NAALADL2: variants seen among roughly 807,000 people sequenced by gnomAD.
The protein encoded by NAALADL2 is N-acetylated alpha-linked acidic dipeptidase like 2.
NAALADL2 carries 76 observed loss-of-function variants against 87.2 expected under a neutral mutation model. The ratio of observed to expected loss-of-function variants is 0.87; its 90% CI spans 0.72 to 1.05. NAALADL2 has a LOEUF of 1.05. Among genes scored for constraint, NAALADL2 ranks in the 50% least tolerant of loss-of-function variants. The probability of loss-of-function intolerance (pLI) is 0.00; values close to 1 mark genes in which losing one functional copy is unlikely to be tolerated. For synonymous variants in NAALADL2, 354 were observed against 331.0 expected, an observed-to-expected ratio of 1.07 and a Z score of -0.75; for missense variants, 1,089 against 945.8, an observed-to-expected ratio of 1.15 and a Z score of -1.99.
At position 175,082,322 on chromosome 3, in the gene NAALADL2, C is replaced by G. The variant is rs529619997; in HGVS notation, c.44-14468C>G. The stretch of plus-strand genomic sequence containing the variant: ...GAAGACTGGTTTTGGTTATTGGAGT[C>G]TGAAGTTTATTATAAATATGTAGTT... On this transcript the variant is annotated intron_variant, in intron 1 of 13. Transcript: ENST00000454872. Among the ~76,000 whole-genome samples the G allele has an allele frequency of 8.4e-4, 128 of 152,202 alleles. 1 individual carries two copies. The highest frequency in any genetic ancestry group is 2.8e-3 in the African/African-American group (115 of 41,526).
At chr3:175,553,093 T>C (rs911193301) in intron 9 of NAALADL2, among the ~76,000 whole-genome samples, 6 of 152,180 alleles carry the variant, frequency 3.9e-5, no homozygotes, top group African/African-American at 1.2e-4. Context: ...TATCCATGTT[T>C]ATGCTTATAG....
At chr3:175,040,261 A>T (rs571881808) in intron 1 of NAALADL2, among the ~76,000 whole-genome samples, 1 of 152,304 alleles carries the variant, frequency 6.6e-6, no homozygotes, top group South Asian at 2.1e-4. Context: ...AAATCCATTA[A>T]TTAAATGAAT....
At chr3:174,607,360 A>G (rs1719213593) in intron 2 of NAALADL2, among the ~76,000 whole-genome samples, 2 of 151,778 alleles carry the variant, frequency 1.3e-5, no homozygotes, top group African/African-American at 2.4e-5. Context: ...CAATTAAAAG[A>G]CACAGACTGG....
At chr3:174,689,291 T>C (rs1186081158) in intron 2 of NAALADL2, among the ~76,000 whole-genome samples, 1 of 152,020 alleles carries the variant, frequency 6.6e-6, no homozygotes, top group East Asian at 1.9e-4. Context: ...GATTGCCCTT[T>C]TCTATCATCT....
chr3:175,596,704 A>G (rs942741258), intron 10 of NAALADL2, among the ~76,000 whole-genome samples: 3 of 151,956 alleles, frequency 2.0e-5, no homozygotes, highest in South Asian at 2.1e-4. Context: ...ACATTACCAT[A>G]AAATATCCCT....
chr3:174,758,643 C>T (rs1378654271), intron 3 of NAALADL2, among the ~76,000 whole-genome samples: 1 of 152,158 alleles, frequency 6.6e-6, no homozygotes, highest in East Asian at 1.9e-4. Context: ...AGGCTTTTGC[C>T]TTACAATCGA....
intron 2 of NAALADL2, among the ~76,000 whole-genome samples, chr3:175,188,976 G>A (rs1041576430): frequency 2.0e-5 from 3 of 152,074 alleles, no homozygotes; most frequent in African/African-American, 7.2e-5. Flanking sequence ...CTATATCCCT[G>A]CTCCCAAGGC....
chr3:175,335,950 G>T (rs73047265), intron 5 of NAALADL2, among the ~76,000 whole-genome samples: 239 of 152,190 alleles, frequency 1.6e-3, no homozygotes, highest in African/African-American at 5.6e-3. Context: ...TGCTGGAAAC[G>T]TGTCAGGTAA....
intron 1 of NAALADL2, among the ~76,000 whole-genome samples, chr3:174,546,034 C>T (rs1002322677): frequency 6.6e-6 from 1 of 151,222 alleles, no homozygotes. Context: ...AGGCATTTCT[C>T]ATGTATTTAA....
chr3:175,544,938 A>T (rs186927394), intron 9 of NAALADL2, among the ~76,000 whole-genome samples: 1 of 152,296 alleles, frequency 6.6e-6, no homozygotes, highest in East Asian at 1.9e-4. Flanking sequence ...TTCCAATGAA[A>T]TTAATACCCA....
At chr3:175,432,299 T>C (rs1717890498) in intron 5 of NAALADL2, among the ~76,000 whole-genome samples, 1 of 152,040 alleles carries the variant, frequency 6.6e-6, no homozygotes, top group African/African-American at 2.4e-5. Flanking sequence ...CTATTTTTAC[T>C]GTTTTCCTTG....
rs182040426 is a variant in NAALADL2 at position 175,690,032 on chromosome 3, T to C, written c.1897-47274T>C. Among the ~76,000 whole-genome samples, 255 of 152,228 alleles carry C rather than the reference T, an allele frequency of 1.7e-3. 1 individual carries two copies. Among genetic ancestry groups the C allele is most frequent in the African/African-American group, 5.9e-3 (247 of 41,552 alleles). ...ATAATACTTCCTGCACTGAAAATTA[T>C]GCTTAGGAAGACAATTAGTATGTAC... On this transcript the variant is annotated intron_variant, in intron 11 of 13. Coordinates refer to ENST00000454872, the MANE Select transcript of NAALADL2 (RefSeq NM_207015.3).
At chr3:174,890,255 A>G (rs1453210167) in intron 1 of NAALADL2, among the ~76,000 whole-genome samples, 2 of 152,232 alleles carry the variant, frequency 1.3e-5, no homozygotes, top group Non-Finnish European at 2.9e-5. Context: ...GGAACAGGGT[A>G]AATTTGAAAT....
At chr3:174,895,438 A>G (rs751387826) in intron 1 of NAALADL2, among the ~76,000 whole-genome samples, 1 of 152,186 alleles carries the variant, frequency 6.6e-6, no homozygotes, top group African/African-American at 2.4e-5. Flanking sequence ...GCAGAAACTG[A>G]CAAATTACTA....
At position 175,348,344 on chromosome 3, in the gene NAALADL2, C is replaced by T. The variant is rs964118226; in HGVS notation, c.1090+24019C>T. ...AAAGGTTAGTTCTATACATAAAATA[C>T]ATTTTCTTACTTAGTAATGTTCCTA... On this transcript the variant is annotated intron_variant, in intron 5 of 13. Transcript: ENST00000454872. Among the ~76,000 whole-genome samples the T allele has an allele frequency of 7.2e-5, 11 of 152,324 alleles. No individual in the cohort carries two copies. In the South Asian group the frequency reaches 2.3e-3, roughly 32 times the overall value.
chr3:174,668,528 G>T (rs1485673737), intron 2 of NAALADL2, among the ~76,000 whole-genome samples: 1 of 151,992 alleles, frequency 6.6e-6, no homozygotes, highest in Non-Finnish European at 1.5e-5. Context: ...CCAGTAACTC[G>T]TCATTTAACA....
At chr3:175,094,649 A>C (rs964384288) in intron 1 of NAALADL2, among the ~76,000 whole-genome samples, 2 of 151,850 alleles carry the variant, frequency 1.3e-5, no homozygotes, top group African/African-American at 4.8e-5. Flanking sequence ...AGGGAGGGAA[A>C]AAGAAAAGCA....
chr3:175,513,147 A>C (rs1731389003), intron 9 of NAALADL2, among the ~76,000 whole-genome samples: 1 of 152,188 alleles, frequency 6.6e-6, no homozygotes, highest in Admixed American at 6.6e-5. Flanking sequence ...CAATTCACTC[A>C]CTTACTTATT....
intron 11 of NAALADL2, among the ~76,000 whole-genome samples, chr3:175,706,018 A>G (rs1024679800): frequency 2.0e-5 from 3 of 152,126 alleles, no homozygotes; most frequent in Non-Finnish European, 4.4e-5. Context: ...TAACACTTGG[A>G]CTTCAAATTT....
Sources: gnomAD v4.1 joint callset for allele counts (sites outside exome capture counted in the v4.1 genomes callset) on GRCh38, gnomAD v4.1.1 for gene constraint, MANE v1.5 for transcripts, NCBI Gene and HGNC (gene_info 2026-07-23, HGNC 2026-07-21) for gene names.